MAPK8: variants seen among roughly 807,000 people sequenced by gnomAD.
MAPK8 encodes JUN N-terminal kinase.
In MAPK8, 13 loss-of-function variants were observed where a neutral mutation model predicts 52.9. The ratio of observed to expected loss-of-function variants is 0.25; its 90% CI spans 0.16 to 0.39. MAPK8 has a LOEUF of 0.39. Among genes scored for constraint, MAPK8 ranks in the 10% least tolerant of loss-of-function variants. The pLI is 1.00. For synonymous variants in MAPK8, 191 were observed against 169.8 expected, an observed-to-expected ratio of 1.12 and a Z score of -0.97; for missense variants, 300 against 519.2, an observed-to-expected ratio of 0.58 and a Z score of 4.10.
At chr10:48,414,722 T>C (rs2042969887) in intron 5 of MAPK8, among the ~76,000 whole-genome samples, 1 of 151,790 alleles carries the variant, frequency 6.6e-6, no homozygotes, top group African/African-American at 2.4e-5. Flanking sequence ...ACTATGGACA[T>C]GTACCACCAT....
intron 1 of MAPK8, among the ~76,000 whole-genome samples, chr10:48,351,910 G>T (rs190463934): frequency 6.6e-6 from 1 of 152,160 alleles, no homozygotes; most frequent in Non-Finnish European, 1.5e-5. Flanking sequence ...GTGTCTTGTT[G>T]GTACTCTTAA....
rs1175957105 is a variant in MAPK8 at position 48,333,468 on chromosome 10, C to T, written c.-50+26647C>T. Among the ~76,000 whole-genome samples the T allele has an allele frequency of 2.6e-5, 4 of 152,180 alleles. No individual in the cohort carries two copies. In the East Asian group the frequency reaches 5.8e-4, roughly 22 times the overall value. On this transcript the variant is annotated intron_variant, in intron 1 of 11. Transcript: ENST00000374189. The stretch of plus-strand genomic sequence containing the variant: ...GACAAAAGCAGCAGGTTGCCTTTTC[C>T]CACCCCATATTTGAGTGAGCACTCC...
chr10:48,398,132 A>G (rs1406888789), intron 1 of MAPK8, among the ~76,000 whole-genome samples: 3 of 152,182 alleles, frequency 2.0e-5, no homozygotes, highest in Non-Finnish European at 2.9e-5. Flanking sequence ...TGTAACTTCT[A>G]TGTGAGTCTG....
rs367885853 is a variant in MAPK8, at chr10:48,413,037, A to T, written c.450+2869A>T. On this transcript the variant is annotated intron_variant, in intron 5 of 11. Transcript: ENST00000374189. Reference sequence around the variant, plus strand: ...ATAAATACCTCATATAAGCGGAATCATGCAGTATTTGCCTCCTTGCAACTG... The same window carrying T: ...ATAAATACCTCATATAAGCGGAATCTTGCAGTATTTGCCTCCTTGCAACTG... 5.3e-5 allele frequency among the ~76,000 whole-genome samples: 8 copies of T among 152,338 alleles called. No homozygotes were observed. The East Asian group carries it at 1.5e-3, about 29-fold the overall frequency.
chr10:48,393,211 G>A (rs751588901), intron 1 of MAPK8, among the ~76,000 whole-genome samples: 6 of 151,230 alleles, frequency 4.0e-5, no homozygotes, highest in Non-Finnish European at 7.4e-5. Context: ...ATCTTTCACC[G>A]AGACTACTCA....
At chr10:48,398,161 A>G (rs1477964169) in intron 1 of MAPK8, among the ~76,000 whole-genome samples, 2 of 152,098 alleles carry the variant, frequency 1.3e-5, no homozygotes, top group Non-Finnish European at 2.9e-5. Flanking sequence ...TCAAAATAAA[A>G]AGACATTGTT....
At chr10:48,346,544 G>C (rs1396746435) in intron 1 of MAPK8, among the ~76,000 whole-genome samples, 1 of 152,204 alleles carries the variant, frequency 6.6e-6, no homozygotes, top group Non-Finnish European at 1.5e-5. Flanking sequence ...AGCAGACTGG[G>C]AAGCAGGGGG....
intron 1 of MAPK8, among the ~76,000 whole-genome samples, chr10:48,342,739 A>C (rs1287187782): frequency 6.6e-6 from 1 of 152,190 alleles, no homozygotes; most frequent in African/African-American, 2.4e-5. Context: ...CCGTTTGCTG[A>C]GACAACACCG....
At position 48,306,683 on chromosome 10, in the gene MAPK8, C is replaced by T. The variant is rs1841341141; in HGVS notation, c.-188C>T. 6.6e-6 allele frequency: 1 copy of T among 151,152 alleles called. No individual in the cohort carries two copies. The highest frequency in any genetic ancestry group is 2.4e-5 in the African/African-American group (1 of 41,318). 9.4% of individuals were successfully genotyped at this position (151,152 alleles called of 1,614,324 possible). A position where few individuals can be genotyped will look rare whatever the true frequency, so the allele number is the denominator to read the frequency against. The stretch of plus-strand genomic sequence containing the variant: ...GGTGACGGCCCGCGTCTCTGTTACT[C>T]AGCCGAGCGGCCGAGGCCGGACGAC... On this transcript the variant is annotated 5_prime_UTR_variant, in exon 1 of 12. Transcript: ENST00000374189.
chr10:48,426,297 T>A (rs2043680188), intron 8 of MAPK8, 83 bp from the exon 9 acceptor site: 2 of 1,274,058 alleles, frequency 1.6e-6, no homozygotes, highest in Non-Finnish European at 2.1e-6. Flanking sequence ...ATATGCTTTT[T>A]AAAAAATCTC....
intron 1 of MAPK8, among the ~76,000 whole-genome samples, chr10:48,363,771 A>G (rs1274324938): frequency 6.6e-6 from 1 of 152,038 alleles, no homozygotes; most frequent in Non-Finnish European, 1.5e-5. Context: ...TGTAGTTTCT[A>G]CTTTGAGTAC....
chr10:48,395,272 A>G (rs2041830863), intron 1 of MAPK8, among the ~76,000 whole-genome samples: 1 of 152,044 alleles, frequency 6.6e-6, no homozygotes, highest in South Asian at 2.1e-4. Flanking sequence ...AGAAAGCTAC[A>G]TTACTCAAGA....
chr10:48,324,807 A>G (rs1426338190), intron 1 of MAPK8, among the ~76,000 whole-genome samples: 1 of 152,184 alleles, frequency 6.6e-6, no homozygotes, highest in East Asian at 1.9e-4. Flanking sequence ...ATCCATTATA[A>G]CAATGGGTTT....
intron 1 of MAPK8, among the ~76,000 whole-genome samples, chr10:48,356,092 G>C (rs1846904679): frequency 6.6e-6 from 1 of 152,194 alleles, no homozygotes; most frequent in South Asian, 2.1e-4. Context: ...TCTCAGACAG[G>C]AGGCCAGAGA....
intron 1 of MAPK8, among the ~76,000 whole-genome samples, chr10:48,365,491 T>A (rs558088580): frequency 1.1e-4 from 17 of 152,312 alleles, no homozygotes; most frequent in African/African-American, 3.8e-4. Context: ...CTAGATTTAT[T>A]GCTATTTTTG....
At chr10:48,344,500 G>T (rs536714039) in intron 1 of MAPK8, among the ~76,000 whole-genome samples, 1 of 152,270 alleles carries the variant, frequency 6.6e-6, no homozygotes, top group South Asian at 2.1e-4. Flanking sequence ...CTGTATAGAA[G>T]CTGATAGAAT....
At chr10:48,410,646 A>G (rs572798838) in intron 5 of MAPK8, among the ~76,000 whole-genome samples, 2 of 152,318 alleles carry the variant, frequency 1.3e-5, no homozygotes, top group South Asian at 2.1e-4. Context: ...CCTTTAGGAT[A>G]TACCTGTGAC....
intron 2 of MAPK8, among the ~76,000 whole-genome samples, chr10:48,402,686 A>G (rs973124320): frequency 3.9e-5 from 6 of 152,210 alleles, no homozygotes; most frequent in Admixed American, 2.0e-4. Flanking sequence ...TTCAGAATCT[A>G]TTCTAAACAA....
At chr10:48,349,529 A>T (rs1414005034) in intron 1 of MAPK8, among the ~76,000 whole-genome samples, 1 of 152,226 alleles carries the variant, frequency 6.6e-6, no homozygotes, top group African/African-American at 2.4e-5. Flanking sequence ...TACTGGGTAA[A>T]TAATGAAATT....
Sources: gnomAD v4.1 joint callset for allele counts (sites outside exome capture counted in the v4.1 genomes callset) on GRCh38, gnomAD v4.1.1 for gene constraint, MANE v1.5 for transcripts, NCBI Gene and HGNC (gene_info 2026-07-23, HGNC 2026-07-21) for gene names.